Variants in TTC7A observed in about 807,000 individuals in gnomAD.
TTC7A encodes the protein tetratricopeptide repeat domain 7A.
Under a neutral mutation model 103.7 loss-of-function variants are expected in TTC7A, and 110 were observed. The ratio of observed to expected loss-of-function variants is 1.06; its 90% CI spans 0.91 to 1.24. TTC7A has a LOEUF of 1.24. Among genes scored for constraint, TTC7A ranks in the 50% most tolerant of loss-of-function variants. The pLI is 0.00. For missense variants in TTC7A, 1,340 were observed against 1,116.3 expected, an observed-to-expected ratio of 1.20 and a Z score of -2.86; for synonymous variants, 521 against 467.9, an observed-to-expected ratio of 1.11 and a Z score of -1.47.
At chr2:46,987,619 C>T (rs1332479347) in intron 5 of TTC7A, among the ~76,000 whole-genome samples, 4 of 152,158 alleles carry the variant, frequency 2.6e-5, no homozygotes, top group Non-Finnish European at 5.9e-5. Flanking sequence ...GAGCTTGGGC[C>T]GTGCACATTG....
chr2:46,928,730 A>G (rs1019522312), intron 2 of TTC7A, among the ~76,000 whole-genome samples: 23 of 151,900 alleles, frequency 1.5e-4, no homozygotes, highest in African/African-American at 5.3e-4. Context: ...TGATTGCACT[A>G]CTGCACTCCA....
At chr2:46,943,607 G>C (rs1367916190) in intron 1 of TTC7A, among the ~76,000 whole-genome samples, 2 of 152,240 alleles carry the variant, frequency 1.3e-5, no homozygotes, top group African/African-American at 4.8e-5. Context: ...CAAAGCCCAT[G>C]CGTAGAGCAT....
intron 8 of TTC7A, among the ~76,000 whole-genome samples, chr2:46,996,583 G>A (rs1676210451): frequency 6.6e-6 from 1 of 152,172 alleles, no homozygotes; most frequent in South Asian, 2.1e-4. Flanking sequence ...GCCTCAGCTG[G>A]GGCTGGTCCA....
At chr2:47,053,173 G>A (rs1200765598) in intron 18 of TTC7A, among the ~76,000 whole-genome samples, 1 of 151,884 alleles carries the variant, frequency 6.6e-6, no homozygotes, top group Non-Finnish European at 1.5e-5. Context: ...CGGATGCTGG[G>A]GGTGGGCGGA....
At chr2:47,005,539 A>C (rs1355463104) in intron 8 of TTC7A, among the ~76,000 whole-genome samples, 1 of 152,194 alleles carries the variant, frequency 6.6e-6, no homozygotes, top group African/African-American at 2.4e-5. Flanking sequence ...ACCTGAATAC[A>C]AGGTATGATC....
chr2:47,029,052 C>A (rs950604915), intron 14 of TTC7A, among the ~76,000 whole-genome samples, 172 bp from the exon 15 acceptor site: 3 of 152,194 alleles, frequency 2.0e-5, no homozygotes, highest in Non-Finnish European at 2.9e-5. Flanking sequence ...GCAGCAGACC[C>A]CTCCTCGCCA....
chr2:46,945,380 G>A (rs1558494026), intron 1 of TTC7A, among the ~76,000 whole-genome samples: 1 of 152,172 alleles, frequency 6.6e-6, no homozygotes, highest in Non-Finnish European at 1.5e-5. Flanking sequence ...AGCCTCCCAA[G>A]TAGCTGGGAC....
intron 19 of TTC7A, among the ~76,000 whole-genome samples, chr2:47,063,480 C>G (rs1399462492): frequency 1.3e-5 from 2 of 152,218 alleles, no homozygotes; most frequent in Non-Finnish European, 2.9e-5. Flanking sequence ...GAACTACTAG[C>G]TGTCATTCTA....
intron 2 of TTC7A, 72 bp downstream of exon 2, chr2:46,950,598 C>G: frequency 6.6e-7 from 1 of 1,516,016 alleles, no homozygotes; most frequent in Non-Finnish European, 8.9e-7. Context: ...CCAGTCCTCC[C>G]TGAGTCATTT....
At chr2:46,919,822 G>T (rs1669005195) in intron 2 of TTC7A, among the ~76,000 whole-genome samples, 1 of 152,232 alleles carries the variant, frequency 6.6e-6, no homozygotes, top group Non-Finnish European at 1.5e-5. Context: ...AGAAACTGCA[G>T]TTTCTTTTGT....
At chr2:46,979,751 A>G (rs748079693) in intron 5 of TTC7A, among the ~76,000 whole-genome samples, 10 of 152,216 alleles carry the variant, frequency 6.6e-5, no homozygotes, top group Non-Finnish European at 7.3e-5. Flanking sequence ...CATCTCCACC[A>G]GTCTGGGGAC....
At chr2:46,967,194 C>T (rs977189371) in intron 3 of TTC7A, among the ~76,000 whole-genome samples, 3 of 151,998 alleles carry the variant, frequency 2.0e-5, no homozygotes, top group Admixed American at 2.0e-4. Context: ...GCCTGGGTGA[C>T]AGAGCAAGAT....
At chr2:47,027,138 G>C (rs1402015425) in intron 14 of TTC7A, among the ~76,000 whole-genome samples, 1 of 152,192 alleles carries the variant, frequency 6.6e-6, no homozygotes, top group African/African-American at 2.4e-5. Context: ...TTTCTACAGG[G>C]TGCAGAACCT....
At chr2:46,929,149 G>T (rs1306812172) in intron 2 of TTC7A, among the ~76,000 whole-genome samples, 1 of 152,004 alleles carries the variant, frequency 6.6e-6, no homozygotes, top group Non-Finnish European at 1.5e-5. Flanking sequence ...GGGCAATAGA[G>T]TGGGACTCTG....
upstream of TTC7A, among the ~76,000 whole-genome samples, chr2:46,939,422 G>A (rs368653033): frequency 1.3e-5 from 2 of 152,248 alleles, 1 homozygote; most frequent in African/African-American, 4.8e-5. Context: ...GAAGGGGTCC[G>A]GCGTATGTTG....
intron 12 of TTC7A, among the ~76,000 whole-genome samples, chr2:47,022,376 C>A (rs1333650945): frequency 6.6e-6 from 1 of 152,200 alleles, no homozygotes; most frequent in African/African-American, 2.4e-5. Flanking sequence ...TTAACCTCAG[C>A]ACTGCTATGA....
intron 18 of TTC7A, among the ~76,000 whole-genome samples, chr2:47,058,818 G>T (rs1683529330): frequency 6.6e-6 from 1 of 152,082 alleles, no homozygotes; most frequent in Non-Finnish European, 1.5e-5. Context: ...TGTGTGTGGG[G>T]GCTGGCCTGG....
intron 2 of TTC7A, among the ~76,000 whole-genome samples, chr2:46,929,555 G>A (rs900509020): frequency 6.6e-6 from 1 of 152,118 alleles, no homozygotes; most frequent in African/African-American, 2.4e-5. Flanking sequence ...ATATCATAAA[G>A]GAAATGTAAA....
intron 3 of TTC7A, among the ~76,000 whole-genome samples, chr2:46,958,713 G>A (rs993581766): frequency 6.6e-6 from 1 of 152,208 alleles, no homozygotes; most frequent in Admixed American, 6.5e-5. Flanking sequence ...GGCATGCTGA[G>A]GTTTGCCTGA....
Sources: allele counts gnomAD v4.1 joint callset (sites outside exome capture counted in the v4.1 genomes callset), GRCh38; gene constraint gnomAD v4.1.1; transcripts MANE v1.5; gene names NCBI Gene and HGNC (gene_info 2026-07-23, HGNC 2026-07-21).